IGF2R: variants seen among roughly 807,000 people sequenced by gnomAD.
IGF2R encodes the protein cation-independent mannose-6-phosphate receptor.
In IGF2R, 91 loss-of-function variants were observed where a neutral mutation model predicts 270.6. The observed-to-expected ratio is 0.34, with a 90% CI of 0.28 to 0.40. The LOEUF (loss-of-function observed/expected upper bound fraction) is 0.40. Ranked by LOEUF, IGF2R falls within the 10% of genes least tolerant of loss-of-function variation. The pLI is 1.00. For missense variants in IGF2R, 2,805 were observed against 3,188.3 expected, an observed-to-expected ratio of 0.88 and a Z score of 2.90; for synonymous variants, 1,316 against 1,258.9, an observed-to-expected ratio of 1.05 and a Z score of -0.96.
chr6:160,087,168 C>T (rs1779113476), intron 41 of IGF2R, among the ~76,000 whole-genome samples: 1 of 152,150 alleles, frequency 6.6e-6, no homozygotes, highest in African/African-American at 2.4e-5. Context: ...AGACAGTGCT[C>T]GACTGAAAGC....
rs763665662 is a variant in IGF2R, at chr6:160,044,621, A to C, written c.1729A>C (p.Lys577Gln). 6.2e-7 allele frequency: 1 copy of C among 1,610,024 alleles called. No individual in the cohort carries two copies. Among genetic ancestry groups the C allele is most frequent in the South Asian group, 1.1e-5 (1 of 89,526 alleles). Residue 577 changes from lysine (K) to glutamine (Q), a missense_variant, in exon 13 of 48, where the codon AAA (lysine) becomes CAA (glutamine). This residue lies in a region of IGF2R where 954 missense variants were observed against 981.1 expected (regional missense o/e 0.97). Transcript: ENST00000356956. ...SDGDDCGHGK[K>Q]IKTNITLVCK... ...TGGTGATGATTGTGGTCATGGCAAG[A>C]AAATTAAAACTAATATCACACTTGT... is the stretch of plus-strand genomic sequence containing the variant.
At chr6:160,065,814 G>GTGTGTGTATGTGTA in intron 29 of IGF2R, among the ~76,000 whole-genome samples, 1 of 78,392 alleles carries the variant, frequency 1.3e-5, no homozygotes, top group Non-Finnish European at 2.3e-5. Flanking sequence ...GTGTGTGTGT[G>GTGTGTGTATGTGTA]TATATATATA....
chr6:160,023,445 GT>G (rs1178462348), intron 4 of IGF2R, among the ~76,000 whole-genome samples: 1 of 152,118 alleles, frequency 6.6e-6, no homozygotes, highest in African/African-American at 2.4e-5. Flanking sequence ...ATTTGAGATG[GT>G]TTTGTGTATC....
Position 160,104,676 on chromosome 6 carries a change from G to A in IGF2R, c.7068G>A (p.Val2356=). The A allele has an allele frequency of 6.2e-7, 1 of 1,611,124 alleles. No homozygotes were observed. The highest frequency in any genetic ancestry group is 8.5e-7 in the Non-Finnish European group (1 of 1,178,370). The change falls in exon 48 of 48, where the codon GTG becomes GTA. Residue 2356 remains valine, a splice_region_variant and synonymous_variant. Coordinates refer to ENST00000356956, the MANE Select transcript of IGF2R (RefSeq NM_000876.4). The stretch of plus-strand genomic sequence containing the variant: ...TCTCTGCTGTTGATCCCTGGCAGGT[G>A]AATAAGGAAGAAGAGACAGATGAGA... The part of the protein sequence containing the change: ...SSNVSYKYSK[V]NKEEETDENE...
At chr6:160,081,050 C>T (rs924137660) in intron 39 of IGF2R, among the ~76,000 whole-genome samples, 11 of 151,112 alleles carry the variant, frequency 7.3e-5, no homozygotes, top group South Asian at 2.1e-4. Flanking sequence ...GGTGTGTACC[C>T]GGGAGGCGGA....
intron 35 of IGF2R, among the ~76,000 whole-genome samples, chr6:160,075,103 C>T (rs1050657721): frequency 1.1e-4 from 16 of 151,960 alleles, no homozygotes; most frequent in African/African-American, 3.6e-4. Flanking sequence ...CTTATACACA[C>T]ACTCACACCC....
chr6:160,055,764 A>G (rs763832565), intron 19 of IGF2R, among the ~76,000 whole-genome samples: 5 of 152,126 alleles, frequency 3.3e-5, no homozygotes, highest in Non-Finnish European at 7.4e-5. Context: ...AATACTAACA[A>G]AACTCATAGT....
intron 42 of IGF2R, among the ~76,000 whole-genome samples, chr6:160,088,768 C>T (rs537930064): frequency 7.9e-5 from 12 of 152,294 alleles, no homozygotes; most frequent in African/African-American, 1.4e-4. Context: ...GAATGTTGCA[C>T]GGTTTACAAA....
Position 160,013,377 on chromosome 6 carries a change from A to G in IGF2R, c.513+2592A>G, listed in dbSNP as rs560019677. Among the ~76,000 whole-genome samples, 23 of 151,424 alleles carry G rather than the reference A, an allele frequency of 1.5e-4. No homozygotes were observed. The South Asian group carries it at 3.8e-3, about 25-fold the overall frequency. On this transcript the variant is annotated intron_variant, in intron 4 of 47. Transcript: ENST00000356956. ...GCCACAGAGACCTATGTGACCTGCA[A>G]AACCCAAAATGTAGATACCACATGG...
intron 1 of IGF2R, among the ~76,000 whole-genome samples, chr6:159,983,169 C>T (rs927698906): frequency 1.3e-5 from 2 of 152,184 alleles, no homozygotes; most frequent in African/African-American, 4.8e-5. Flanking sequence ...GCTGTGTCGG[C>T]CTGGGGCTAC....
chr6:159,969,535 G>A (rs1326966560), intron 1 of IGF2R, 140 bp downstream of exon 1: 2 of 668,608 alleles, frequency 3.0e-6, no homozygotes, highest in East Asian at 4.6e-5. Context: ...CGTTCCCGAG[G>A]GAAAGTTGCC....
At chr6:159,976,370 T>C (rs1783694505) in intron 1 of IGF2R, among the ~76,000 whole-genome samples, 2 of 152,136 alleles carry the variant, frequency 1.3e-5, no homozygotes, top group South Asian at 4.1e-4. Context: ...TCCTGATGTT[T>C]ACTTGTGTAC....
intron 2 of IGF2R, among the ~76,000 whole-genome samples, chr6:159,995,208 T>A (rs1029170096): frequency 1.3e-5 from 2 of 152,184 alleles, no homozygotes; most frequent in South Asian, 4.1e-4. Context: ...TTTTCTTTTT[T>A]AACTATTATT....
intron 11 of IGF2R, 130 bp from the exon 12 acceptor site, chr6:160,043,018 C>T (rs962150040): frequency 4.8e-5 from 44 of 911,168 alleles, no homozygotes; most frequent in African/African-American, 6.7e-5. Flanking sequence ...CCAGAAACAG[C>T]GCTGGGGATT....
At chr6:160,062,470 C>A in intron 25 of IGF2R, 62 bp from the exon 26 acceptor site, 3 of 1,316,094 alleles carry the variant, frequency 2.3e-6, no homozygotes, top group Non-Finnish European at 3.3e-6. Context: ...CCGTGCCCGG[C>A]CCCATTTGAT....
Position 160,028,783 on chromosome 6 carries a change from T to A in IGF2R, c.777-767T>A, listed in dbSNP as rs548117373. Among the ~76,000 whole-genome samples, 29 of 151,624 alleles carry A rather than the reference T, an allele frequency of 1.9e-4. 1 individual carries two copies. The South Asian group carries it at 5.4e-3, about 28-fold the overall frequency. On this transcript the variant is annotated intron_variant, in intron 6 of 47. Coordinates refer to ENST00000356956, the MANE Select transcript of IGF2R (RefSeq NM_000876.4). ...AATTTGTTGTATAAAGAGGAAATGA[T>A]TGACTAGCCTTGTGGGCAAAAATGC...
chr6:160,073,164 G>C (rs760042668), intron 33 of IGF2R, 49 bp from the exon 34 acceptor site: 1 of 1,594,132 alleles, frequency 6.3e-7, no homozygotes, highest in South Asian at 1.1e-5. Flanking sequence ...CAGAAAATTG[G>C]CCATCGAGTC....
At chr6:159,985,401 T>C (rs1296480096) in intron 1 of IGF2R, among the ~76,000 whole-genome samples, 1 of 152,224 alleles carries the variant, frequency 6.6e-6, no homozygotes, top group Non-Finnish European at 1.5e-5. Flanking sequence ...TTCTGAGCCT[T>C]GGGATATTTG....
rs578103443 is a variant in IGF2R at position 160,096,151 on chromosome 6, C to T, written c.6656-288C>T. 20 of 281,220 alleles carry T rather than the reference C, an allele frequency of 7.1e-5. No homozygotes were observed. In the South Asian group the frequency reaches 8.5e-4, roughly 12 times the overall value. The allele number at this position is 281,220 out of a possible 1,614,324, so 17.4% of individuals were successfully genotyped here. On this transcript the variant is annotated intron_variant, in intron 44 of 47. Transcript: ENST00000356956. ...CTGTACAGCAGACTGTTTTAATCCACGGTTGTGCCTTATTGTTCCATTAAA... is the reference window on the plus strand; with the variant it reads ...CTGTACAGCAGACTGTTTTAATCCATGGTTGTGCCTTATTGTTCCATTAAA...
Sources: allele counts gnomAD v4.1 joint callset (sites outside exome capture counted in the v4.1 genomes callset), GRCh38; gene constraint gnomAD v4.1.1; regional missense constraint gnomAD v4.1.1; transcripts MANE v1.5; gene names NCBI Gene and HGNC (gene_info 2026-07-23, HGNC 2026-07-21).